The following KIAA1217 variants were observed in gnomAD, a reference collection of about 807,000 sequenced individuals.
The protein encoded by KIAA1217 is sickle tail protein homolog.
In KIAA1217, 88 loss-of-function variants were observed where a neutral mutation model predicts 163.9. That is an observed-to-expected ratio of 0.54 (90% CI 0.45 to 0.64). The LOEUF (loss-of-function observed/expected upper bound fraction) is 0.64, where lower values mean the gene tolerates loss of function less well. Ranked by LOEUF, KIAA1217 falls within the 30% of genes least tolerant of loss-of-function variation. The pLI, the probability that KIAA1217 is intolerant of heterozygous loss-of-function variation, is 0.00. For synonymous variants in KIAA1217, 903 were observed against 923.1 expected, an observed-to-expected ratio of 0.98 and a Z score of 0.39; for missense variants, 2,372 against 2,475.0, an observed-to-expected ratio of 0.96 and a Z score of 0.88.
intron 1 of KIAA1217, among the ~76,000 whole-genome samples, chr10:23,928,125 C>G (rs971347867): frequency 6.6e-6 from 1 of 152,312 alleles, no homozygotes; most frequent in South Asian, 2.1e-4. Flanking sequence ...AATCATCAAG[C>G]ATTTCAGTCC....
rs145222771 is a variant in KIAA1217 at position 23,821,853 on chromosome 10, T to A, written c.-321+126619T>A. ...AAAAAATTAGGAAGGGGCCTCCAGC[T>A]CTTTCGGCCATCAGGATCACTGCTG... On this transcript the variant is annotated intron_variant, in intron 1 of 18. Coordinates refer to the KIAA1217 transcript ENST00000376462. 4.0e-3 allele frequency among the ~76,000 whole-genome samples: 607 copies of A among 152,262 alleles called. 11 individuals are homozygous for A. Among genetic ancestry groups the A allele is most frequent in the African/African-American group, 0.014 (563 of 41,548 alleles).
At chr10:24,142,582 C>T (rs981217037) in intron 2 of KIAA1217, among the ~76,000 whole-genome samples, 10 of 152,078 alleles carry the variant, frequency 6.6e-5, no homozygotes, top group African/African-American at 2.4e-4. Context: ...CAAAACTGTA[C>T]TTACACCCCT....
In KIAA1217 at chr10:24,047,564, A is replaced by C. The variant is rs537530401; in HGVS notation, c.-171+40190A>C. Among the ~76,000 whole-genome samples, 3 of 152,356 alleles carry C rather than the reference A, an allele frequency of 2.0e-5. No individual in the cohort carries two copies. In the East Asian group the frequency reaches 5.8e-4, roughly 29 times the overall value. ...CATACCTACAATTGCTATAGAGAAT[A>C]AAATCTTACTCTGTTGCAAATACTA... On this transcript the variant is annotated intron_variant, in intron 2 of 18. Coordinates refer to the KIAA1217 transcript ENST00000376462.
chr10:24,018,279 G>A (rs1393346446), intron 2 of KIAA1217, among the ~76,000 whole-genome samples: 1 of 152,096 alleles, frequency 6.6e-6, no homozygotes, highest in East Asian at 1.9e-4. Context: ...GAATATGTAA[G>A]TTTGATCTCT....
chr10:24,466,510 G>T, intron 5 of KIAA1217: 1 of 985,170 alleles, frequency 1.0e-6, no homozygotes, highest in Non-Finnish European at 1.2e-6. Context: ...GACTTATCAC[G>T]GGGAAGGTTA....
chr10:24,253,293 C>T (rs2074764230), intron 2 of KIAA1217, among the ~76,000 whole-genome samples: 2 of 152,082 alleles, frequency 1.3e-5, no homozygotes, highest in Non-Finnish European at 2.9e-5. Context: ...AGTCCCCTTT[C>T]GATGGGGTAG....
At chr10:23,857,427 A>G (rs940653613) in intron 1 of KIAA1217, among the ~76,000 whole-genome samples, 18 of 152,154 alleles carry the variant, frequency 1.2e-4, no homozygotes, top group Non-Finnish European at 2.5e-4. Flanking sequence ...TAAGGAAAGG[A>G]TTTTCTGAAA....
At chr10:24,527,515 TA>T (rs2072384524) in intron 13 of KIAA1217, among the ~76,000 whole-genome samples, 2 of 149,606 alleles carry the variant, frequency 1.3e-5, no homozygotes, top group African/African-American at 2.4e-5. Context: ...AAAAAAAAAT[TA>T]GCCATGTGTG....
chr10:23,984,549 G>A (rs532733923), intron 1 of KIAA1217, among the ~76,000 whole-genome samples: 44 of 152,250 alleles, frequency 2.9e-4, no homozygotes, highest in Non-Finnish European at 5.6e-4. Context: ...TAAAGAAAAT[G>A]TGTCACATAT....
chr10:23,828,522 T>C (rs1430189174), intron 1 of KIAA1217, among the ~76,000 whole-genome samples: 2 of 152,188 alleles, frequency 1.3e-5, no homozygotes, highest in African/African-American at 2.4e-5. Context: ...TTGGCTTTGG[T>C]AGCCTAACCT....
chr10:24,503,278 G>T (rs975314731), intron 9 of KIAA1217, among the ~76,000 whole-genome samples: 2 of 152,182 alleles, frequency 1.3e-5, no homozygotes, highest in African/African-American at 4.8e-5. Flanking sequence ...ATCTCCAAAG[G>T]CTACTCTGTC....
chr10:24,057,647 ATGC>A (rs2060575430), intron 2 of KIAA1217, among the ~76,000 whole-genome samples: 1 of 152,198 alleles, frequency 6.6e-6, no homozygotes, highest in African/African-American at 2.4e-5. Flanking sequence ...ATGATTAGTG[ATGC>A]TGACCATCTT....
Position 23,806,050 on chromosome 10 carries a change from T to C in KIAA1217, c.-321+110816T>C, listed in dbSNP as rs1276506596. 6.7e-5 allele frequency among the ~76,000 whole-genome samples: 8 copies of C among 119,602 alleles called. No homozygotes were observed. In the East Asian group the frequency reaches 1.4e-3, roughly 22 times the overall value. 78.5% of individuals were successfully genotyped at this position (119,602 alleles called of 152,430 possible). On this transcript the variant is annotated intron_variant, in intron 1 of 18. Coordinates refer to the KIAA1217 transcript ENST00000376462. ...GAAAAGAAAGAAAAAGAGAAAAAGG[T>C]GTATGAATTTGATGTCATCAAATGA...
intron 3 of KIAA1217, among the ~76,000 whole-genome samples, chr10:24,402,476 T>G (rs752338667): frequency 4.3e-5 from 6 of 140,154 alleles, no homozygotes; most frequent in Non-Finnish European, 8.9e-5. Context: ...GCCACTGCAC[T>G]CCAGCCTGGG....
intron 10 of KIAA1217, among the ~76,000 whole-genome samples, chr10:24,516,410 A>G (rs1452272515): frequency 6.6e-6 from 1 of 152,240 alleles, no homozygotes; most frequent in Non-Finnish European, 1.5e-5. Context: ...AGATTGGAAG[A>G]TTCTGTAAGA....
chr10:23,888,461 A>G (rs1326288783), intron 1 of KIAA1217, among the ~76,000 whole-genome samples: 1 of 151,866 alleles, frequency 6.6e-6, no homozygotes, highest in Non-Finnish European at 1.5e-5. Flanking sequence ...GAAATCAACT[A>G]TCTGGATTTT....
At chr10:24,247,614 G>A (rs930298534) in intron 2 of KIAA1217, among the ~76,000 whole-genome samples, 4 of 152,168 alleles carry the variant, frequency 2.6e-5, no homozygotes, top group Non-Finnish European at 2.9e-5. Flanking sequence ...TGGCTAACAC[G>A]GTGAAACCCC....
rs144765132 is a variant in KIAA1217, at chr10:24,511,445, C to T, written c.2002-1814C>T. ...ATCACTTGCGGTCAGGAGTTCGAGA[C>T]CTGCCTGATGATCATGGAGAAACCC... On this transcript the variant is annotated intron_variant, in intron 9 of 20. Transcript: ENST00000376454. Among the ~76,000 whole-genome samples, 1,477 of 152,138 alleles carry T rather than the reference C, an allele frequency of 9.7e-3. 10 individuals are homozygous for T. Among genetic ancestry groups the T allele is most frequent in the Non-Finnish European group, 0.017 (1,139 of 68,010 alleles).
chr10:24,364,065 G>A (rs960519073), intron 2 of KIAA1217, among the ~76,000 whole-genome samples: 26 of 150,078 alleles, frequency 1.7e-4, no homozygotes, highest in Middle Eastern at 6.5e-3. Context: ...CGCAACCTCC[G>A]CCTCCCAGGT....
Sources: allele counts gnomAD v4.1 joint callset (sites outside exome capture counted in the v4.1 genomes callset), GRCh38; gene constraint gnomAD v4.1.1; transcripts MANE v1.5; gene names NCBI Gene and HGNC (gene_info 2026-07-23, HGNC 2026-07-21).